The following GLIS3 variants were observed in gnomAD, a reference collection of about 807,000 sequenced individuals.
The protein encoded by GLIS3 is zinc finger protein GLIS3.
Under a neutral mutation model 78.6 loss-of-function variants are expected in GLIS3, and 53 were observed. The ratio of observed to expected loss-of-function variants is 0.67; its 90% CI spans 0.54 to 0.85. The LOEUF is 0.85. GLIS3 is among the 40% of genes least tolerant of loss of function. The pLI, the probability that GLIS3 is intolerant of heterozygous loss-of-function variation, is 0.00. For missense variants in GLIS3, 1,703 were observed against 1,231.1 expected, an observed-to-expected ratio of 1.38 and a Z score of -5.74; for synonymous variants, 684 against 509.9, an observed-to-expected ratio of 1.34 and a Z score of -4.60.
Position 4,286,511 on chromosome 9 carries a change from G to A in GLIS3, c.-86C>T, listed in dbSNP as rs532806411. On this transcript the variant is annotated 5_prime_UTR_variant, in exon 2 of 11. Coordinates refer to ENST00000381971, the MANE Select transcript of GLIS3 (RefSeq NM_001042413.2). Reference sequence around the variant, plus strand: ...CAAAGTCCAATAAGTTATCCATGGTGTGGGTTATAAGCCTGTTTAAAAAAA... The same window carrying A: ...CAAAGTCCAATAAGTTATCCATGGTATGGGTTATAAGCCTGTTTAAAAAAA... 49 of 1,508,974 alleles carry A rather than the reference G, an allele frequency of 3.2e-5. 1 individual carries two copies. The African/African-American group carries it at 6.4e-4, about 20-fold the overall frequency. 93.5% of individuals were successfully genotyped at this position (1,508,974 alleles called of 1,614,324 possible).
intron 2 of GLIS3, among the ~76,000 whole-genome samples, chr9:4,157,086 T>C (rs1219814527): frequency 1.3e-5 from 2 of 152,158 alleles, no homozygotes; most frequent in African/African-American, 4.8e-5. Flanking sequence ...GTCCTAATAA[T>C]TTGTCAAACT....
chr9:4,327,049 A>T (rs923565042), intron 2 of GLIS3, among the ~76,000 whole-genome samples: 1 of 152,246 alleles, frequency 6.6e-6, no homozygotes, highest in African/African-American at 2.4e-5. Context: ...TGAAACAAGT[A>T]ATCTCATAAA....
intron 2 of GLIS3, among the ~76,000 whole-genome samples, chr9:4,178,867 T>A (rs1817027696): frequency 6.6e-6 from 1 of 152,190 alleles, no homozygotes; most frequent in South Asian, 2.1e-4. Context: ...GCATAAACAT[T>A]AGTTATTTAA....
upstream of GLIS3, among the ~76,000 whole-genome samples, chr9:4,304,877 A>G (rs1563926151): frequency 6.6e-6 from 1 of 152,186 alleles, no homozygotes; most frequent in Non-Finnish European, 1.5e-5. Context: ...TCACGTGTAT[A>G]CACATTTCTT....
chr9:3,836,232 G>A (rs1391170978), intron 9 of GLIS3, among the ~76,000 whole-genome samples: 3 of 152,218 alleles, frequency 2.0e-5, no homozygotes, highest in Non-Finnish European at 2.9e-5. Context: ...AGATATCAGC[G>A]GCAGAGGCAG....
At chr9:4,329,353 C>T (rs573129249) in intron 2 of GLIS3, among the ~76,000 whole-genome samples, 4 of 152,294 alleles carry the variant, frequency 2.6e-5, no homozygotes, top group African/African-American at 4.8e-5. Context: ...TTAATGTTTT[C>T]ATTTTGACGT....
intron 4 of GLIS3, among the ~76,000 whole-genome samples, chr9:3,983,768 G>C (rs1010523998): frequency 1.3e-5 from 2 of 152,152 alleles, no homozygotes; most frequent in Non-Finnish European, 2.9e-5. Flanking sequence ...AAATTTCTAA[G>C]CAGCAGAGCA....
chr9:3,959,280 G>A (rs895277465), intron 4 of GLIS3, among the ~76,000 whole-genome samples: 2 of 152,206 alleles, frequency 1.3e-5, no homozygotes, highest in African/African-American at 2.4e-5. Context: ...CTGTCCATCA[G>A]CCAGGAAGTA....
intron 2 of GLIS3, among the ~76,000 whole-genome samples, chr9:4,329,943 T>A (rs1172852348): frequency 2.6e-5 from 4 of 151,984 alleles, no homozygotes; most frequent in African/African-American, 9.7e-5. Context: ...TTATATTTAT[T>A]TTAGTGTATC....
intron 2 of GLIS3, among the ~76,000 whole-genome samples, chr9:4,321,279 G>A (rs185292575): frequency 0.031 from 2,979 of 96,172 alleles, 447 homozygotes; most frequent in East Asian, 0.13. Context: ...AAAATTAGCC[G>A]GGAGTGGTGG....
chr9:4,111,333 T>C (rs1831193168), intron 4 of GLIS3, among the ~76,000 whole-genome samples: 1 of 152,200 alleles, frequency 6.6e-6, no homozygotes, highest in African/African-American at 2.4e-5. Flanking sequence ...TATCTATTGT[T>C]TTTCATTCAT....
the GLIS3 span, among the ~76,000 whole-genome samples, chr9:4,422,200 A>G: frequency 2.6e-5 from 4 of 152,350 alleles, no homozygotes. Flanking sequence ...CAACACTTTG[A>G]TGATTGTATT....
rs1378372436 is a variant in GLIS3, at chr9:4,118,802, C to G, written c.676G>C (p.Glu226Gln). 6.2e-7 allele frequency: 1 copy of G among 1,610,542 alleles called. No individual in the cohort carries two copies. Among genetic ancestry groups the G allele is most frequent in the Non-Finnish European group, 8.5e-7 (1 of 1,179,994 alleles). ...AGGGCCCTGTAGCCCTGGGACCACT[C>G]CTGCTTCATGCTTGAGGCCGACTGA... ...ESQSASSMKQ[E>Q]WSQGYRALPS... Residue 226 changes from glutamate to glutamine, a missense_variant, in exon 4 of 11, where the codon GAG becomes CAG. Transcript: ENST00000381971. This position sits in a 1 kb window ranked among gnomAD's most constrained non-coding sequence, Gnocchi z 4.7.
intron 4 of GLIS3, among the ~76,000 whole-genome samples, chr9:4,005,564 T>G (rs1340826938): frequency 6.6e-6 from 1 of 152,122 alleles, no homozygotes; most frequent in Non-Finnish European, 1.5e-5. Context: ...TGATCATCAA[T>G]AAAGTGGGGA....
chr9:4,101,925 G>C (rs532390790), intron 4 of GLIS3, among the ~76,000 whole-genome samples: 11 of 152,264 alleles, frequency 7.2e-5, no homozygotes, highest in African/African-American at 2.4e-4. Context: ...GAGCATCCAA[G>C]GACACAGATG....
At chr9:3,834,584 G>T (rs1818238432) in intron 9 of GLIS3, among the ~76,000 whole-genome samples, 1 of 152,116 alleles carries the variant, frequency 6.6e-6, no homozygotes, top group East Asian at 1.9e-4. Flanking sequence ...TGTTTCAAGA[G>T]TATTTCAAAT....
the GLIS3 span, among the ~76,000 whole-genome samples, chr9:4,368,385 C>T: frequency 6.6e-6 from 1 of 150,822 alleles, no homozygotes; most frequent in Admixed American, 6.6e-5. Context: ...CGCTCTGTCA[C>T]CCAGGCTGGA....
chr9:4,397,095 G>A, the GLIS3 span, among the ~76,000 whole-genome samples: 2 of 131,922 alleles, frequency 1.5e-5, no homozygotes, highest in Non-Finnish European at 3.1e-5. Flanking sequence ...GCGCGATCTT[G>A]GCTCACTGCA....
chr9:3,965,502 C>G (rs560662853), intron 4 of GLIS3, among the ~76,000 whole-genome samples: 1 of 152,038 alleles, frequency 6.6e-6, no homozygotes, highest in Admixed American at 6.6e-5. Flanking sequence ...CGCCTCTTTC[C>G]TAATTCTATC....
Sources: gnomAD v4.1 joint callset for allele counts (sites outside exome capture counted in the v4.1 genomes callset) on GRCh38, gnomAD v4.1.1 for gene constraint, Gnocchi (gnomAD v3.1) non-coding constraint, MANE v1.5 for transcripts, NCBI Gene and HGNC (gene_info 2026-07-23, HGNC 2026-07-21) for gene names.